The following CDC6 variants were observed in gnomAD, a reference collection of about 807,000 sequenced individuals.
CDC6 encodes cell division cycle 6, also known as DNA replication factor CDC6.
Under a neutral mutation model 60.2 loss-of-function variants are expected in CDC6, and 46 were observed. The ratio of observed to expected loss-of-function variants is 0.76; its 90% CI spans 0.60 to 0.98. The LOEUF is 0.98. Among genes scored for constraint, CDC6 ranks in the 50% least tolerant of loss-of-function variants. CDC6 has a pLI of 0.00. For missense variants in CDC6, 596 were observed against 652.9 expected, an observed-to-expected ratio of 0.91 and a Z score of 0.95; for synonymous variants, 210 against 233.2, an observed-to-expected ratio of 0.90 and a Z score of 0.90.
chr17:40,298,734 T>C (rs1006550430), intron 9 of CDC6, among the ~76,000 whole-genome samples: 9 of 152,266 alleles, frequency 5.9e-5, no homozygotes, highest in African/African-American at 1.4e-4. Flanking sequence ...CAGAAAGCTA[T>C]AGGGAGAATG....
chr17:40,295,249 T>C, intron 7 of CDC6, 107 bp from the exon 8 acceptor site: 1 of 809,170 alleles, frequency 1.2e-6, no homozygotes, highest in Non-Finnish European at 2.2e-6. Flanking sequence ...CCTAAAGAGT[T>C]GCCAATCAAG....
At chr17:40,291,770 G>C in intron 4 of CDC6, 102 bp downstream of exon 4, 3 of 1,248,588 alleles carry the variant, frequency 2.4e-6, no homozygotes, top group Non-Finnish European at 2.3e-6. Context: ...TTTTGAGACG[G>C]AGTCTCGCTC....
At position 40,291,573 on chromosome 17, in the gene CDC6, C is replaced by G; in HGVS notation, c.565C>G (p.His189Asp). 1 of 1,614,190 alleles carries G rather than the reference C, an allele frequency of 6.2e-7. No individual in the cohort carries two copies. Among genetic ancestry groups the G allele is most frequent in the Non-Finnish European group, 8.5e-7 (1 of 1,180,020 alleles). ...TGTCATCAGGAATTTCTTGAGGGAA[C>G]ACATCTGTGGGAAAAAAGCTGGAAG... is the stretch of plus-strand genomic sequence containing the variant. Reference protein sequence around the residue: ...MDVIRNFLREHICGKKAGSLY... With the variant: ...MDVIRNFLREDICGKKAGSLY... Residue 189 changes from histidine to aspartate, a missense_variant, in exon 4 of 12, where the codon CAC (histidine) becomes GAC (aspartate). By Grantham distance (81) the His-to-Asp change is moderately conservative (BLOSUM62 -1). Transcript: ENST00000209728.
intron 1 of CDC6, 49 bp from the exon 2 acceptor site, chr17:40,289,359 C>A: frequency 7.3e-7 from 1 of 1,368,256 alleles, no homozygotes; most frequent in Non-Finnish European, 1.0e-6. Flanking sequence ...GTTATTTTCT[C>A]TTCACTTTCA....
At chr17:40,299,062 A>C (rs1268979644) in intron 9 of CDC6, among the ~76,000 whole-genome samples, 1 of 150,526 alleles carries the variant, frequency 6.6e-6, no homozygotes, top group Admixed American at 6.6e-5. Context: ...TCAGGAAGTA[A>C]CTTCAGGTAA....
At position 40,291,537 on chromosome 17, in the gene CDC6, A is replaced by C. The variant is rs772383286; in HGVS notation, c.529A>C (p.Arg177=). The change falls in exon 4 of 12, where the codon AGG becomes CGG. Residue 177 remains arginine (R), a synonymous_variant. Transcript: ENST00000209728. ...AVPDRLPARE[R]EMDVIRNFLR... is the part of the protein sequence containing the mutation. ...CCCAGATCGGCTGCCTGCCAGGGAAAGGGAGATGGATGTCATCAGGAATTT... is the reference window on the plus strand; with the variant it reads ...CCCAGATCGGCTGCCTGCCAGGGAACGGGAGATGGATGTCATCAGGAATTT... The C allele has an allele frequency of 6.2e-7, 1 of 1,614,210 alleles. No individual in the cohort carries two copies. The highest frequency in any genetic ancestry group is 1.1e-5 in the South Asian group (1 of 91,082).
intron 5 of CDC6, 49 bp from the exon 6 acceptor site, chr17:40,293,901 A>C (rs1170022581): frequency 2.1e-6 from 3 of 1,462,340 alleles, no homozygotes; most frequent in Non-Finnish European, 2.9e-6. Context: ...ATCAAACATT[A>C]GAGGGTTAAG....
intron 2 of CDC6, 77 bp from the exon 3 acceptor site, chr17:40,290,981 G>C (rs2032748551): frequency 1.4e-6 from 2 of 1,423,526 alleles, no homozygotes; most frequent in Admixed American, 1.7e-5. Flanking sequence ...CCTCTTTCTG[G>C]AAGAGGCAGA....
chr17:40,291,156 GGACGAA>G lies in CDC6; in HGVS notation c.280_285del (p.Arg94_Arg95del). The G allele has an allele frequency of 6.2e-7, 1 of 1,614,116 alleles. No homozygotes were observed. The highest frequency in any genetic ancestry group is 8.5e-7 in the Non-Finnish European group (1 of 1,179,998). On this transcript the variant is annotated inframe_deletion, in exon 3 of 12. Coordinates refer to ENST00000209728, the MANE Select transcript of CDC6 (RefSeq NM_001254.4). ...TCCCCCTCACTCACATACACTTAAG[GGACGAA>G]GATTGGTATTTGACAATCAGCTGAC...
At chr17:40,299,308 C>T (rs969190653) in intron 9 of CDC6, among the ~76,000 whole-genome samples, 2 of 151,672 alleles carry the variant, frequency 1.3e-5, no homozygotes, top group Admixed American at 6.6e-5. Context: ...CCACCACACC[C>T]GGCTGTTTTT....
chr17:40,304,420 T>C lies in CDC6; in HGVS notation c.*2419T>C, dbSNP rs962176549. 4 of 152,268 alleles carry C rather than the reference T, an allele frequency of 2.6e-5. No homozygotes were observed. Among genetic ancestry groups the C allele is most frequent in the Admixed American group, 2.0e-4 (3 of 15,294 alleles). The allele number at this position is 152,268 out of a possible 1,614,324, so 9.4% of individuals were successfully genotyped here. On this transcript the variant is annotated 3_prime_UTR_variant, in exon 12 of 12. Coordinates refer to ENST00000209728, the MANE Select transcript of CDC6 (RefSeq NM_001254.4). ...TTCAGGAAGGTGGTAGGAGTTTTAG[T>C]GGGATGGGATGGGATGGGCTTGTGG...
intron 8 of CDC6, 137 bp downstream of exon 8, chr17:40,295,593 G>A: frequency 1.5e-6 from 1 of 672,770 alleles, no homozygotes. Context: ...AGGAGGACTT[G>A]TTTCTCAGTG....
chr17:40,297,792 T>A (rs2032878729), intron 9 of CDC6, among the ~76,000 whole-genome samples: 1 of 152,054 alleles, frequency 6.6e-6, no homozygotes, highest in Non-Finnish European at 1.5e-5. Flanking sequence ...TAAGAAGAAT[T>A]ATAAGTTCAA....
Position 40,304,636 on chromosome 17 carries a change from T to G in CDC6, c.*2635T>G, listed in dbSNP as rs2032977458. ...TGCCATGGAAAGAGCATAGACAAAATAAATTGTGTGTTTCAACCCCAGAGC... is the reference window on the plus strand; with the variant it reads ...TGCCATGGAAAGAGCATAGACAAAAGAAATTGTGTGTTTCAACCCCAGAGC... On this transcript the variant is annotated 3_prime_UTR_variant, in exon 12 of 12. Coordinates refer to ENST00000209728, the MANE Select transcript of CDC6 (RefSeq NM_001254.4). The G allele has an allele frequency of 6.6e-6, 1 of 152,212 alleles. No individual in the cohort carries two copies. The highest frequency in any genetic ancestry group is 1.5e-5 in the Non-Finnish European group (1 of 68,052). The allele number at this position is 152,212 out of a possible 1,614,324, so 9.4% of individuals were successfully genotyped here. A position where few individuals can be genotyped will look rare whatever the true frequency, so the allele number is the denominator to read the frequency against.
At chr17:40,293,060 G>A (rs1317440851) in intron 4 of CDC6, among the ~76,000 whole-genome samples, 1 of 152,044 alleles carries the variant, frequency 6.6e-6, no homozygotes, top group Non-Finnish European at 1.5e-5. Flanking sequence ...CCAATGTGGC[G>A]AAACCCCATC....
At position 40,289,523 on chromosome 17, in the gene CDC6, G is replaced by C. The variant is rs1251654963; in HGVS notation, c.103G>C (p.Glu35Gln). ...KAKNSSDAKL[E>Q]PTNVQTVTCS... The stretch of plus-strand genomic sequence containing the variant: ...TAAAAACTCCAGTGATGCCAAACTA[G>C]AACCAACAAATGTCCAAACCGTAAC... The change falls in exon 2 of 12, where the codon GAA becomes CAA. Residue 35 changes from glutamate to glutamine, a missense_variant. Physicochemically the swap from Glu to Gln is conservative, Grantham distance 29 (BLOSUM62 2). Transcript: ENST00000209728. The C allele has an allele frequency of 1.2e-6, 2 of 1,613,886 alleles. No individual in the cohort carries two copies. Among genetic ancestry groups the C allele is most frequent in the Admixed American group, 3.3e-5 (2 of 59,984 alleles).
At position 40,289,616 on chromosome 17, in the gene CDC6, T is replaced by A; in HGVS notation, c.178+18T>A. The A allele has an allele frequency of 5.0e-6, 8 of 1,601,818 alleles. No individual in the cohort carries two copies. Among genetic ancestry groups the A allele is most frequent in the Non-Finnish European group, 6.8e-6 (8 of 1,169,278 alleles). ...ACGTCTGGGTAAACCATCCATTATA[T>A]CACTTTTTCACTAGCAGCTCGTGAC... is the stretch of plus-strand genomic sequence containing the variant. On this transcript the variant is annotated intron_variant, in intron 2 of 11. Transcript: ENST00000209728.
At chr17:40,299,930 A>G (rs1332931858) in intron 9 of CDC6, among the ~76,000 whole-genome samples, 1 of 151,960 alleles carries the variant, frequency 6.6e-6, no homozygotes, top group African/African-American at 2.4e-5. Flanking sequence ...CACTCATTTG[A>G]TCCAAAATAT....
rs2032808325 is a variant in CDC6 at position 40,293,644 on chromosome 17, C to T, written c.836+13C>T. ...AGGGCCCCATGATGTAAGTATTGTTCTGCTTCATGTTGCTCTGTGAAAATC... is the reference window on the plus strand; with the variant it reads ...AGGGCCCCATGATGTAAGTATTGTTTTGCTTCATGTTGCTCTGTGAAAATC... On this transcript the variant is annotated intron_variant, in intron 5 of 11. Coordinates refer to ENST00000209728, the MANE Select transcript of CDC6 (RefSeq NM_001254.4). 1 of 1,598,294 alleles carries T rather than the reference C, an allele frequency of 6.3e-7. No homozygotes were observed. The highest frequency in any genetic ancestry group is 8.6e-7 in the Non-Finnish European group (1 of 1,165,740).
Sources: gnomAD v4.1 joint callset for allele counts (sites outside exome capture counted in the v4.1 genomes callset) on GRCh38, gnomAD v4.1.1 for gene constraint, MANE v1.5 for transcripts, NCBI Gene and HGNC (gene_info 2026-07-23, HGNC 2026-07-21) for gene names.